Variants in TMPRSS15 observed in about 807,000 individuals in gnomAD.
TMPRSS15 encodes enteropeptidase.
A neutral mutation model predicts 125.3 loss-of-function variants in TMPRSS15; 128 were observed. That is an observed-to-expected ratio of 1.02 (90% CI 0.89 to 1.18). The LOEUF is 1.18. Ranked by LOEUF, TMPRSS15 falls within the 50% of genes most tolerant of loss-of-function variation. The pLI is 0.00. For synonymous variants in TMPRSS15, 446 were observed against 423.2 expected, an observed-to-expected ratio of 1.05 and a Z score of -0.66; for missense variants, 1,283 against 1,212.7, an observed-to-expected ratio of 1.06 and a Z score of -0.86.
Position 18,294,265 on chromosome 21 carries a change from C to T in TMPRSS15, c.2486+5G>A, listed in dbSNP as rs1165750683. On this transcript the variant is annotated splice_donor_5th_base_variant and intron_variant, in intron 21 of 24. Transcript: ENST00000284885. ...TTGGGAAGGGACACTTGACATCACA[C>T]TCACCCATACACGCAGTGTGCGGCG... The T allele has an allele frequency of 2.5e-6, 4 of 1,614,098 alleles. No homozygotes were observed. The highest frequency in any genetic ancestry group is 3.4e-6 in the Non-Finnish European group (4 of 1,180,040).
chr21:18,403,698 T>C lies in TMPRSS15; in HGVS notation c.-76A>G, dbSNP rs2076119034. ...ATTCTACCAACTGAAGAGAAAAATC[T>C]CTCAAATTTTTAAAGATGTGTAAAG... On this transcript the variant is annotated 5_prime_UTR_variant, in exon 1 of 25. Coordinates refer to ENST00000284885, the MANE Select transcript of TMPRSS15 (RefSeq NM_002772.3). The C allele has an allele frequency of 1.3e-6, 2 of 1,587,316 alleles. No homozygotes were observed. Among genetic ancestry groups the C allele is most frequent in the Non-Finnish European group, 8.6e-7 (1 of 1,161,168 alleles).
intron 1 of TMPRSS15, among the ~76,000 whole-genome samples, chr21:18,429,032 C>T (rs1276010909): frequency 6.6e-6 from 1 of 152,202 alleles, no homozygotes; most frequent in Non-Finnish European, 1.5e-5. Flanking sequence ...ACCATGGGAA[C>T]CCACCTCTTG....
At chr21:18,485,361 G>A (rs944816765) in intron 1 of TMPRSS15, among the ~76,000 whole-genome samples, 4 of 151,744 alleles carry the variant, frequency 2.6e-5, no homozygotes, top group Admixed American at 1.3e-4. Flanking sequence ...TAGAAAAGAC[G>A]AGGTGATAGT....
chr21:18,388,466 T>G (rs1035099851), intron 3 of TMPRSS15, among the ~76,000 whole-genome samples: 4 of 152,158 alleles, frequency 2.6e-5, no homozygotes, highest in African/African-American at 4.8e-5. Context: ...CCCAACCTAA[T>G]GTAAGTGAAG....
intron 10 of TMPRSS15, among the ~76,000 whole-genome samples, chr21:18,351,686 T>C (rs1240212418): frequency 6.6e-6 from 1 of 152,164 alleles, no homozygotes; most frequent in East Asian, 1.9e-4. Flanking sequence ...CCTTTATAAA[T>C]TACCCAGTCT....
rs78840293 is a variant in TMPRSS15, at chr21:18,324,798, C to A, written c.1921+1634G>T. 2.4e-3 allele frequency among the ~76,000 whole-genome samples: 369 copies of A among 152,120 alleles called. 7 individuals carry two copies. In the East Asian group the frequency reaches 0.064, roughly 26 times the overall value. On this transcript the variant is annotated intron_variant, in intron 16 of 24. Coordinates refer to ENST00000284885, the MANE Select transcript of TMPRSS15 (RefSeq NM_002772.3). ...CTTAAATGTGCTCAGTATTAACTACCAAAATGTCCTCAGCTATGTCCATCA... is the reference window on the plus strand; with the variant it reads ...CTTAAATGTGCTCAGTATTAACTACAAAAATGTCCTCAGCTATGTCCATCA...
chr21:18,403,912 C>T (rs1350501053), upstream of TMPRSS15, among the ~76,000 whole-genome samples: 1 of 152,110 alleles, frequency 6.6e-6, no homozygotes, highest in Non-Finnish European at 1.5e-5. Context: ...CAAGGTGAAT[C>T]AAATTAAATT....
intron 22 of TMPRSS15, among the ~76,000 whole-genome samples, chr21:18,280,766 CTATT>C: frequency 6.6e-6 from 1 of 152,046 alleles, no homozygotes. Flanking sequence ...ATAACATCAT[CTATT>C]TATCTGAGCT....
At chr21:18,296,816 C>A (rs1254440863) in intron 19 of TMPRSS15, among the ~76,000 whole-genome samples, 1 of 152,114 alleles carries the variant, frequency 6.6e-6, no homozygotes, top group East Asian at 1.9e-4. Context: ...TCAGTCAAGG[C>A]CCAGCAAACA....
chr21:18,272,061 C>G (rs977787881), intron 24 of TMPRSS15, among the ~76,000 whole-genome samples: 12 of 152,106 alleles, frequency 7.9e-5, no homozygotes, highest in African/African-American at 2.9e-4. Flanking sequence ...TATGTCTTTA[C>G]AGTACAATGA....
intron 1 of TMPRSS15, among the ~76,000 whole-genome samples, chr21:18,413,303 T>TTC: frequency 8.6e-6 from 1 of 115,664 alleles, no homozygotes; most frequent in African/African-American, 3.3e-5. Context: ...TTTTCTTTCT[T>TTC]TTCTTTCTTT....
intron 6 of TMPRSS15, 140 bp downstream of exon 6, chr21:18,372,053 T>C (rs1448245005): frequency 1.9e-6 from 1 of 520,956 alleles, no homozygotes; most frequent in Non-Finnish European, 3.0e-6. Flanking sequence ...AAAATAGCTA[T>C]TTAAATAGCT....
chr21:18,298,977 A>G (rs757198369), intron 18 of TMPRSS15, among the ~76,000 whole-genome samples: 12 of 152,224 alleles, frequency 7.9e-5, no homozygotes, highest in Non-Finnish European at 1.5e-4. Flanking sequence ...ACTTTCATCT[A>G]CTGAACGTAG....
At chr21:18,466,926 T>G (rs928447760) in intron 1 of TMPRSS15, among the ~76,000 whole-genome samples, 7 of 152,196 alleles carry the variant, frequency 4.6e-5, no homozygotes, top group South Asian at 2.1e-4. Flanking sequence ...CCCAAAGGAT[T>G]ATAAATCATT....
chr21:18,322,734 G>A (rs1377094641), intron 16 of TMPRSS15, among the ~76,000 whole-genome samples: 1 of 152,116 alleles, frequency 6.6e-6, no homozygotes, highest in Non-Finnish European at 1.5e-5. Context: ...AGGGTAGTGG[G>A]GAGGGAGGAT....
intron 20 of TMPRSS15, 77 bp from the exon 21 acceptor site, chr21:18,294,521 A>G: frequency 6.2e-7 from 1 of 1,603,364 alleles, no homozygotes; most frequent in Non-Finnish European, 8.5e-7. Context: ...AGTGGTAACA[A>G]AATAACTTCA....
chr21:18,377,001 A>C (rs2075851200), intron 5 of TMPRSS15, among the ~76,000 whole-genome samples: 1 of 152,162 alleles, frequency 6.6e-6, no homozygotes. Context: ...CCTGAAAGGC[A>C]TATTCATAGT....
chr21:18,281,070 T>C lies in TMPRSS15; in HGVS notation c.2638A>G (p.Met880Val). Residue 880 changes from methionine (M) to valine (V), a missense_variant, in exon 22 of 25, where the codon ATG (methionine) becomes GTG (valine). By Grantham distance (21) the Met-to-Val change is conservative. Transcript: ENST00000284885. Reference protein sequence around the residue: ...RRRKDNDIAMMHLEFKVNYTD... With the variant: ...RRRKDNDIAMVHLEFKVNYTD... ...TAATTCACTTTAAATTCCAGATGCA[T>C]CATGGCAATGTCGTTGTCCTTTCTT... 1.2e-6 allele frequency: 2 copies of C among 1,614,004 alleles called. No individual in the cohort carries two copies. The highest frequency in any genetic ancestry group is 2.2e-5 in the East Asian group (1 of 44,850).
intron 1 of TMPRSS15, among the ~76,000 whole-genome samples, chr21:18,463,681 T>C (rs2122954045): frequency 3.7e-4 from 56 of 152,140 alleles, no homozygotes; most frequent in Non-Finnish European, 1.9e-4. Context: ...TATTCTAAAA[T>C]CAACCACATA....
Sources: gnomAD v4.1 joint callset for allele counts (sites outside exome capture counted in the v4.1 genomes callset) on GRCh38, gnomAD v4.1.1 for gene constraint, MANE v1.5 for transcripts, NCBI Gene and HGNC (gene_info 2026-07-23, HGNC 2026-07-21) for gene names.